The following DNAH14 variants were observed in gnomAD, a reference collection of about 807,000 sequenced individuals.
The protein encoded by DNAH14 is axonemal beta dynein heavy chain 14.
DNAH14 carries 478 observed loss-of-function variants against 520.9 expected under a neutral mutation model. The ratio of observed to expected loss-of-function variants is 0.92; its 90% CI spans 0.85 to 0.99. The LOEUF (loss-of-function observed/expected upper bound fraction) is 0.99. Among genes scored for constraint, DNAH14 ranks in the 50% least tolerant of loss-of-function variants. The pLI, the probability that DNAH14 is intolerant of heterozygous loss-of-function variation, is 0.00. For synonymous variants in DNAH14, 1,581 were observed against 1,757.2 expected, an observed-to-expected ratio of 0.90 and a Z score of 2.51; for missense variants, 4,831 against 5,234.5, an observed-to-expected ratio of 0.92 and a Z score of 2.38.
chr1:225,061,665 G>A (rs2501112), intron 17 of DNAH14, among the ~76,000 whole-genome samples: 4 of 151,916 alleles, frequency 2.6e-5, no homozygotes, highest in Admixed American at 6.6e-5. Flanking sequence ...CTAGATTATT[G>A]TTTTTTAAAG....
At chr1:225,129,790 A>G (rs2078181348) in intron 27 of DNAH14, among the ~76,000 whole-genome samples, 1 of 152,188 alleles carries the variant, frequency 6.6e-6, no homozygotes, top group Admixed American at 6.5e-5. Flanking sequence ...ACCAAAAGCA[A>G]TGGCAACCAA....
At chr1:225,018,178 G>T (rs185009553) in intron 10 of DNAH14, among the ~76,000 whole-genome samples, 36 of 152,262 alleles carry the variant, frequency 2.4e-4, no homozygotes, top group Admixed American at 2.0e-3. Flanking sequence ...AACAATCCAA[G>T]AGTTGAAGGA....
At chr1:225,271,231 A>G (rs1052191790) in intron 50 of DNAH14, among the ~76,000 whole-genome samples, 1 of 152,196 alleles carries the variant, frequency 6.6e-6, no homozygotes, top group African/African-American at 2.4e-5. Context: ...GAATAAAAAA[A>G]TGCTACACAA....
intron 12 of DNAH14, 124 bp from the exon 13 acceptor site, chr1:225,042,711 T>A: frequency 9.8e-7 from 1 of 1,016,998 alleles, no homozygotes; most frequent in Non-Finnish European, 1.4e-6. Context: ...TATTTGGTAA[T>A]ACAGTGTTAC....
chr1:225,208,226 A>G (rs2087852263), intron 41 of DNAH14, among the ~76,000 whole-genome samples: 1 of 152,142 alleles, frequency 6.6e-6, no homozygotes, highest in African/African-American at 2.4e-5. Context: ...CCAGATTCAC[A>G]CTTCTGAATT....
intron 1 of DNAH14, among the ~76,000 whole-genome samples, chr1:224,951,201 T>A (rs1004667410): frequency 6.6e-6 from 1 of 152,100 alleles, no homozygotes; most frequent in Non-Finnish European, 1.5e-5. Context: ...AATTTTTGTA[T>A]TTTTAGTAGA....
At chr1:225,078,768 A>ATCTCTC (rs1170812870) in intron 17 of DNAH14, among the ~76,000 whole-genome samples, 3 of 15,682 alleles carry the variant, frequency 1.9e-4, no homozygotes, top group South Asian at 1.4e-3. Context: ...CCCATTCTCA[A>ATCTCTC]TCTCTCTCTC....
intron 27 of DNAH14, among the ~76,000 whole-genome samples, chr1:225,136,845 A>T (rs1322248818): frequency 2.0e-5 from 3 of 151,972 alleles, no homozygotes; most frequent in Non-Finnish European, 4.4e-5. Context: ...GGTTTTGTTC[A>T]TTCCTTATCA....
intron 82 of DNAH14, 71 bp from the exon 83 acceptor site, chr1:225,389,663 T>C: frequency 1.4e-6 from 2 of 1,478,510 alleles, no homozygotes; most frequent in Non-Finnish European, 1.8e-6. Flanking sequence ...TGGGAGGAAA[T>C]GGCCCACATC....
intron 27 of DNAH14, among the ~76,000 whole-genome samples, chr1:225,134,929 A>AT (rs977687631): frequency 6.6e-6 from 1 of 151,762 alleles, no homozygotes; most frequent in Non-Finnish European, 1.5e-5. Context: ...CAGGGATTTG[A>AT]TTTTTTCCTG....
At chr1:225,313,052 G>A (rs574856969) in intron 60 of DNAH14, among the ~76,000 whole-genome samples, 7 of 152,288 alleles carry the variant, frequency 4.6e-5, no homozygotes, top group Admixed American at 4.6e-4. Flanking sequence ...GTAGAATTCG[G>A]CTGTTAATCC....
intron 38 of DNAH14, among the ~76,000 whole-genome samples, chr1:225,203,469 G>A (rs1465236460): frequency 6.6e-6 from 1 of 152,084 alleles, no homozygotes; most frequent in East Asian, 1.9e-4. Flanking sequence ...CCCCAGCATA[G>A]CTCTATTATT....
At position 225,368,027 on chromosome 1, in the gene DNAH14, T is replaced by C. The variant is rs529269782; in HGVS notation, c.12313T>C (p.Leu4105=). 3.5e-4 allele frequency: 537 copies of C among 1,546,808 alleles called. 4 individuals carry two copies. The highest frequency in any genetic ancestry group is 1.7e-3 in the Middle Eastern group (8 of 4,626). ...NIAYKFNSSD[L]GVAIKVLENS... ...TGCTTATAAATTTAATTCTTCAGAC[T>C]TGGGGGTAAGTGTAGTCTCTTCAAA... is the stretch of plus-strand genomic sequence containing the variant. Residue 4105 remains leucine, a synonymous_variant, in exon 77 of 86, where the codon TTG becomes CTG. Coordinates refer to ENST00000682510, the MANE Select transcript of DNAH14 (RefSeq NM_001367479.1).
At chr1:225,378,930 G>A (rs888884781) in intron 79 of DNAH14, among the ~76,000 whole-genome samples, 5 of 150,970 alleles carry the variant, frequency 3.3e-5, no homozygotes, top group Admixed American at 3.3e-4. Flanking sequence ...CTAGTAAATA[G>A]AGCAGCAGAA....
intron 60 of DNAH14, among the ~76,000 whole-genome samples, chr1:225,312,806 G>T (rs1237287971): frequency 6.6e-6 from 1 of 152,164 alleles, no homozygotes; most frequent in Non-Finnish European, 1.5e-5. Context: ...ACTTGATCGT[G>T]GTGGATAAGC....
chr1:224,985,032 A>G (rs749145107), intron 8 of DNAH14, among the ~76,000 whole-genome samples: 11 of 152,194 alleles, frequency 7.2e-5, no homozygotes, highest in African/African-American at 2.7e-4. Flanking sequence ...GTAAACTAGT[A>G]CGGCTGCTAT....
intron 5 of DNAH14, among the ~76,000 whole-genome samples, chr1:224,965,301 C>T (rs1450058925): frequency 6.6e-6 from 1 of 152,114 alleles, no homozygotes; most frequent in Admixed American, 6.6e-5. Flanking sequence ...ACATTCTCAT[C>T]TGCACCCTAG....
At chr1:225,241,338 T>C (rs1181683207) in intron 43 of DNAH14, among the ~76,000 whole-genome samples, 3 of 152,228 alleles carry the variant, frequency 2.0e-5, no homozygotes, top group Admixed American at 1.3e-4. Flanking sequence ...GGTAAAGTGA[T>C]TGTTGATGCA....
chr1:225,318,072 T>C (rs532784767), intron 60 of DNAH14, among the ~76,000 whole-genome samples: 1 of 152,366 alleles, frequency 6.6e-6, no homozygotes, highest in African/African-American at 2.4e-5. Context: ...CCTGATGTGA[T>C]AGGAAACCTG....
Sources: allele counts gnomAD v4.1 joint callset (sites outside exome capture counted in the v4.1 genomes callset), GRCh38; gene constraint gnomAD v4.1.1; transcripts MANE v1.5; gene names NCBI Gene and HGNC (gene_info 2026-07-23, HGNC 2026-07-21).